PCDHA4: variants seen among roughly 807,000 people sequenced by gnomAD.
PCDHA4 encodes protocadherin alpha-4.
A neutral mutation model predicts 61.4 loss-of-function variants in PCDHA4; 49 were observed. That is an observed-to-expected ratio of 0.80 (90% CI 0.63 to 1.01). The LOEUF is 1.01. Ranked by LOEUF, PCDHA4 falls within the 50% of genes least tolerant of loss-of-function variation. The pLI, the probability that PCDHA4 is intolerant of heterozygous loss-of-function variation, is 0.00. For missense variants in PCDHA4, 1,254 were observed against 1,235.8 expected (o/e 1.01, Z -0.22); for synonymous variants, 590 against 550.3 (o/e 1.07, Z -1.01).
In PCDHA4 at chr5:140,858,646, T is replaced by C. The variant is rs542211136; in HGVS notation, c.2385+49074T>C. 2.7e-5 allele frequency: 22 copies of C among 817,764 alleles called. 1 individual carries two copies. In the African/African-American group the frequency reaches 3.5e-4, roughly 13 times the overall value. 50.7% of individuals were successfully genotyped at this position (817,764 alleles called of 1,614,324 possible). A position where few individuals can be genotyped will look rare whatever the true frequency, so the allele number is the denominator to read the frequency against. On this transcript the variant is annotated intron_variant, in intron 1 of 3. Coordinates refer to ENST00000530339, the MANE Select transcript of PCDHA4 (RefSeq NM_018907.4). ...AGTGTGTCAGCCTTTGATTGGTACT[T>C]AAATTTTTTTAAATAACAATTTATT...
intron 1 of PCDHA4, chr5:140,864,944 T>C (rs1359231248): frequency 1.3e-5 from 2 of 152,162 alleles, no homozygotes; most frequent in Non-Finnish European, 2.9e-5. Flanking sequence ...AGGCCTGTAA[T>C]CCCAGCATTT....
chr5:140,981,883 C>T (rs1488792007), intron 2 of PCDHA4, among the ~76,000 whole-genome samples: 1 of 152,146 alleles, frequency 6.6e-6, no homozygotes, highest in Non-Finnish European at 1.5e-5. Context: ...GAATTAATCT[C>T]TTCTGAGCGG....
chr5:140,843,269 CTGGTG>C, intron 1 of PCDHA4: 1 of 1,596,112 alleles, frequency 6.3e-7, no homozygotes, highest in East Asian at 2.2e-5. Flanking sequence ...TCTGCTGGTC[CTGGTG>C]AAGGATCATG....
intron 1 of PCDHA4, among the ~76,000 whole-genome samples, chr5:140,881,606 T>A (rs1554172306): frequency 6.6e-6 from 1 of 152,226 alleles, no homozygotes; most frequent in East Asian, 1.9e-4. Context: ...TAATATGATG[T>A]GCTTATTCAA....
chr5:140,934,912 T>C (rs534779508), intron 1 of PCDHA4, among the ~76,000 whole-genome samples: 1 of 152,318 alleles, frequency 6.6e-6, no homozygotes, highest in Admixed American at 6.5e-5. Context: ...GGAATAATTA[T>C]GGATTCACAT....
chr5:140,990,427 AC>A (rs1488981685), intron 3 of PCDHA4, among the ~76,000 whole-genome samples: 5 of 152,174 alleles, frequency 3.3e-5, no homozygotes, highest in African/African-American at 1.2e-4. Flanking sequence ...ACCAGCATTG[AC>A]CCAATCTTGT....
At chr5:140,836,667 G>T in intron 1 of PCDHA4, 1 of 1,613,396 alleles carries the variant, frequency 6.2e-7, no homozygotes, top group Non-Finnish European at 8.5e-7. Context: ...GTGCTCTGGG[G>T]AGGGCCCACC....
chr5:140,821,716 A>G, intron 1 of PCDHA4: 1 of 1,489,172 alleles, frequency 6.7e-7, no homozygotes, highest in South Asian at 1.3e-5. Flanking sequence ...TGGGAATTGA[A>G]TTTACAAAAT....
chr5:140,928,084 C>T (rs782346696), intron 1 of PCDHA4: 2 of 1,614,232 alleles, frequency 1.2e-6, no homozygotes, highest in Non-Finnish European at 1.7e-6. Context: ...CTACAGCCTG[C>T]TGATTGATGG....
At chr5:140,928,041 C>T (rs2084880685) in intron 1 of PCDHA4, 3 of 1,613,398 alleles carry the variant, frequency 1.9e-6, no homozygotes, top group Non-Finnish European at 2.5e-6. Context: ...CTAGTGCAGG[C>T]CCTTTTCAGC....
At chr5:140,837,472 C>T (rs1775069737) in intron 1 of PCDHA4, among the ~76,000 whole-genome samples, 1 of 151,298 alleles carries the variant, frequency 6.6e-6, no homozygotes, top group South Asian at 2.1e-4. Flanking sequence ...CTCCTCAAAC[C>T]CCAAACCATT....
At chr5:140,839,156 T>C (rs2150295146) in intron 1 of PCDHA4, among the ~76,000 whole-genome samples, 23 of 97,316 alleles carry the variant, frequency 2.4e-4, no homozygotes, top group Non-Finnish European at 4.5e-4. Flanking sequence ...TTTGCTGCTC[T>C]TGTTGAAAGA....
intron 1 of PCDHA4, among the ~76,000 whole-genome samples, chr5:140,960,355 A>G (rs1489344440): frequency 6.6e-6 from 1 of 152,222 alleles, no homozygotes; most frequent in Admixed American, 6.5e-5. Flanking sequence ...ATGTACTGAA[A>G]TAATATGCCA....
chr5:140,869,933 T>A, intron 1 of PCDHA4: 1 of 1,611,316 alleles, frequency 6.2e-7, no homozygotes, highest in Non-Finnish European at 8.5e-7. Context: ...AATGGAGAGG[T>A]AACATACTCC....
At chr5:140,833,540 G>A (rs1050312337) in intron 1 of PCDHA4, among the ~76,000 whole-genome samples, 6 of 152,094 alleles carry the variant, frequency 3.9e-5, no homozygotes, top group African/African-American at 1.4e-4. Flanking sequence ...GTGTTCGAAA[G>A]GATAGAATGA....
intron 1 of PCDHA4, chr5:140,882,955 C>T: frequency 6.2e-7 from 1 of 1,614,178 alleles, no homozygotes; most frequent in East Asian, 2.2e-5. Context: ...TTCAGCTGCT[C>T]ATCACGATTC....
chr5:140,868,277 C>T (rs1261614987), intron 1 of PCDHA4: 2 of 151,614 alleles, frequency 1.3e-5, no homozygotes, highest in Non-Finnish European at 2.9e-5. Flanking sequence ...TTAAAACTAC[C>T]AAGTTTGAGA....
At position 140,809,124 on chromosome 5, in the gene PCDHA4, G is replaced by C; in HGVS notation, c.1937G>C (p.Arg646Pro). 4 of 1,613,980 alleles carry C rather than the reference G, an allele frequency of 2.5e-6. No homozygotes were observed. Among genetic ancestry groups the C allele is most frequent in the Non-Finnish European group, 3.4e-6 (4 of 1,179,948 alleles). ...GACGAAACGGACGCTCCGCGCCACC[G>C]CCTACTGGTACTGGTGAAGGACCAC... is the stretch of plus-strand genomic sequence containing the variant. Reference protein sequence around the residue: ...ALDETDAPRHRLLVLVKDHGE... With the variant: ...ALDETDAPRHPLLVLVKDHGE... Residue 646 changes from arginine (R) to proline (P), a missense_variant, in exon 1 of 4, where the codon CGC (arginine) becomes CCC (proline). Physicochemically the swap from Arg to Pro is moderately radical, Grantham distance 103 (BLOSUM62 -2). Transcript: ENST00000530339.
At chr5:140,849,771 A>G in intron 1 of PCDHA4, 1 of 1,598,330 alleles carries the variant, frequency 6.3e-7, no homozygotes, top group Non-Finnish European at 8.6e-7. Flanking sequence ...GCTGGTGGTT[A>G]CCGCGCGGGA....
Sources: gnomAD v4.1 joint callset for allele counts (sites outside exome capture counted in the v4.1 genomes callset) on GRCh38, gnomAD v4.1.1 for gene constraint, MANE v1.5 for transcripts, NCBI Gene and HGNC (gene_info 2026-07-23, HGNC 2026-07-21) for gene names.